Variants in HDAC7 observed in about 807,000 individuals in gnomAD.
HDAC7 encodes histone deacetylase 7A.
A neutral mutation model predicts 115.5 loss-of-function variants in HDAC7; 26 were observed. That is an observed-to-expected ratio of 0.23 (90% CI 0.16 to 0.31). The LOEUF is 0.31. HDAC7 is among the 10% of genes least tolerant of loss of function. The probability of loss-of-function intolerance (pLI) is 1.00; values close to 1 mark genes in which losing one functional copy is unlikely to be tolerated. For missense variants in HDAC7, 1,068 were observed against 1,329.0 expected (o/e 0.80, Z 3.05); for synonymous variants, 564 against 550.9 (o/e 1.02, Z -0.33).
At chr12:47,801,654 AG>A (rs1267342653) in intron 2 of HDAC7, among the ~76,000 whole-genome samples, 1 of 152,214 alleles carries the variant, frequency 6.6e-6, no homozygotes, top group Non-Finnish European at 1.5e-5. Flanking sequence ...GCTACACTAA[AG>A]GAAGGGCAGA....
intron 24 of HDAC7, chr12:47,784,990 A>G (rs931887045): frequency 5.1e-6 from 3 of 592,528 alleles, no homozygotes; most frequent in Non-Finnish European, 8.9e-6. Context: ...TGTGGGGGTT[A>G]TCCCAAGACG....
Position 47,798,644 on chromosome 12 carries a change from C to T in HDAC7, c.267G>A (p.Met89Ile). The T allele has an allele frequency of 2.5e-6, 4 of 1,613,248 alleles. No homozygotes were observed. The highest frequency in any genetic ancestry group is 3.4e-6 in the Non-Finnish European group (4 of 1,179,602). The change falls in exon 4 of 26, where the codon ATG (methionine) becomes ATA (isoleucine). Residue 89 changes from methionine to isoleucine, a missense_variant. This residue lies in a region of HDAC7 where 161 missense variants were observed against 158.5 expected (regional missense o/e 1.02). Coordinates refer to ENST00000080059, the MANE Select transcript of HDAC7 (RefSeq NM_015401.5). The surrounding 1 kb of genome is among the most constrained non-coding windows in gnomAD (Gnocchi z 4.3). The stretch of plus-strand genomic sequence containing the variant: ...CCTGCAACTCGGGCATCGGCGTGTC[C>T]ATGGAGAGCTGTGGGCAGGGCCGGC... The part of the protein sequence containing the change: ...QRSVEPMRLS[M>I]DTPMPELQVG...
chr12:47,813,466 G>C (rs1159695696), intron 1 of HDAC7: 3 of 152,422 alleles, frequency 2.0e-5, no homozygotes, highest in Admixed American at 2.0e-4. Context: ...TCAGGAGCCA[G>C]AGCTAGGCTC....
chr12:47,806,520 C>T (rs1275736799), intron 1 of HDAC7, among the ~76,000 whole-genome samples: 1 of 152,158 alleles, frequency 6.6e-6, no homozygotes, highest in Non-Finnish European at 1.5e-5. Flanking sequence ...GAAATCCCAT[C>T]TCTAACAAAA....
chr12:47,821,320 C>T (rs1205089947), upstream of HDAC7, among the ~76,000 whole-genome samples: 1 of 152,180 alleles, frequency 6.6e-6, no homozygotes, highest in African/African-American at 2.4e-5. Flanking sequence ...CTATCTGTTG[C>T]TACCGGCATA....
intron 16 of HDAC7, chr12:47,790,889 C>A (rs754222375): frequency 1.6e-5 from 5 of 319,588 alleles, no homozygotes; most frequent in South Asian, 3.8e-5. Context: ...GCTGAGGTAC[C>A]CCAACTTGCC....
At position 47,791,386 on chromosome 12, in the gene HDAC7, G is replaced by C. The variant is rs1027640413; in HGVS notation, c.1934-78C>G. ...CAACAGGGAGCAGGGAGCCCAGAGA[G>C]CAGGGCCGGGTGAGTATTGGGGGAG... is the stretch of plus-strand genomic sequence containing the variant. On this transcript the variant is annotated intron_variant, in intron 15 of 25. Coordinates refer to ENST00000080059, the MANE Select transcript of HDAC7 (RefSeq NM_015401.5). The C allele has an allele frequency of 5.6e-6, 8 of 1,432,162 alleles. No homozygotes were observed. In the African/African-American group the frequency reaches 1.0e-4, roughly 18 times the overall value. 88.7% of individuals were successfully genotyped at this position (1,432,162 alleles called of 1,614,324 possible). A position where few individuals can be genotyped will look rare whatever the true frequency, so the allele number is the denominator to read the frequency against.
Position 47,787,831 on chromosome 12 carries a change from A to G in HDAC7, c.2356-22T>C, listed in dbSNP as rs367927252. ...CTACCTGGAAAACAGGAGGCAAGAG[A>G]GACATGAGGACAGCAGAGTCCCAGA... is the stretch of plus-strand genomic sequence containing the variant. On this transcript the variant is annotated intron_variant, in intron 20 of 25. Transcript: ENST00000080059. 18 of 1,602,214 alleles carry G rather than the reference A, an allele frequency of 1.1e-5. No homozygotes were observed. The African/African-American group carries it at 1.5e-4, about 13-fold the overall frequency.
chr12:47,785,197 G>T (rs558775463), intron 24 of HDAC7, 190 bp downstream of exon 24: 12 of 591,716 alleles, frequency 2.0e-5, no homozygotes, highest in South Asian at 1.3e-4. Context: ...CCATCGGGGG[G>T]GCTCAGAGGA....
rs375566777 is a variant in HDAC7 at position 47,798,894 on chromosome 12, A to G, written c.149T>C (p.Val50Ala). The G allele has an allele frequency of 2.6e-6, 4 of 1,538,014 alleles. No homozygotes were observed. The highest frequency in any genetic ancestry group is 2.3e-5 in the Admixed American group (1 of 43,012). ...CAATGTGGGCTCTGGTGGGGGCTCC[A>G]CTGGGGGCCGCTGGCCCACCCGCAG... Reference protein sequence around the residue: ...MDLRVGQRPPVEPPPEPTLLA... With the variant: ...MDLRVGQRPPAEPPPEPTLLA... The change falls in exon 3 of 26, where the codon GTG (valine) becomes GCG (alanine). Residue 50 changes from valine (V) to alanine (A), a missense_variant. Around this residue, in one of 6 missense-constraint regions of HDAC7, gnomAD observed 161 missense variants for 158.5 expected, o/e 1.02. Transcript: ENST00000080059. The surrounding 1 kb of genome is among the most constrained non-coding windows in gnomAD (Gnocchi z 4.3).
At position 47,787,361 on chromosome 12, in the gene HDAC7, C is replaced by G. The variant is rs73291228; in HGVS notation, c.2453+351G>C. 2.0e-3 allele frequency among the ~76,000 whole-genome samples: 301 copies of G among 152,094 alleles called. 1 individual carries two copies. Among genetic ancestry groups the G allele is most frequent in the African/African-American group, 6.9e-3 (285 of 41,488 alleles). On this transcript the variant is annotated intron_variant, in intron 21 of 25. Transcript: ENST00000080059. Reference sequence around the variant, plus strand: ...CAGCCCAGGGCTCTCGTAGAATTAGCTGTCATGGAGATAACTCCAGAAAAG... The same window carrying G: ...CAGCCCAGGGCTCTCGTAGAATTAGGTGTCATGGAGATAACTCCAGAAAAG...
At chr12:47,800,625 A>G (rs938332439) in intron 2 of HDAC7, among the ~76,000 whole-genome samples, 1 of 151,168 alleles carries the variant, frequency 6.6e-6, no homozygotes, top group Admixed American at 6.6e-5. Context: ...ATACCAAAAC[A>G]CTCCTGCCCC....
In HDAC7 at chr12:47,798,550, C is replaced by A; in HGVS notation, c.349+12G>T. 1.2e-6 allele frequency: 2 copies of A among 1,612,314 alleles called. No homozygotes were observed. Among genetic ancestry groups the A allele is most frequent in the Non-Finnish European group, 1.7e-6 (2 of 1,179,224 alleles). On this transcript the variant is annotated intron_variant, in intron 4 of 25. Coordinates refer to ENST00000080059, the MANE Select transcript of HDAC7 (RefSeq NM_015401.5). The surrounding 1 kb of genome is among the most constrained non-coding windows in gnomAD (Gnocchi z 4.3). ...GTGGGGCTGGGCTGGGCTGGGGTGG[C>A]CACCTCCTTACTTCGCTTGCTCTTG...
intron 1 of HDAC7, among the ~76,000 whole-genome samples, chr12:47,818,709 G>C (rs1944918229): frequency 6.6e-6 from 1 of 152,254 alleles, no homozygotes; most frequent in Non-Finnish European, 1.5e-5. Context: ...GGCAGAGCTG[G>C]GCCTCAGGCA....
At chr12:47,789,489 A>T (rs368845512) in intron 18 of HDAC7, 34 bp downstream of exon 18, 225 of 1,610,546 alleles carry the variant, frequency 1.4e-4, no homozygotes, top group Non-Finnish European at 1.9e-4. Context: ...CTTGCCCCCC[A>T]CCTCATCCCA....
chr12:47,815,056 C>A (rs1944814520), intron 1 of HDAC7, among the ~76,000 whole-genome samples: 1 of 152,202 alleles, frequency 6.6e-6, no homozygotes, highest in Non-Finnish European at 1.5e-5. Flanking sequence ...GTACCCAGTG[C>A]CTAGAACATT....
At chr12:47,791,793 GC>G in intron 14 of HDAC7, 77 bp downstream of exon 14, 1 of 1,566,200 alleles carries the variant, frequency 6.4e-7, no homozygotes, top group Non-Finnish European at 8.7e-7. Context: ...TCTCTCATGG[GC>G]CCCAGGGCCC....
At chr12:47,799,551 G>T (rs1191955998) in intron 2 of HDAC7, among the ~76,000 whole-genome samples, 1 of 152,214 alleles carries the variant, frequency 6.6e-6, no homozygotes, top group East Asian at 1.9e-4. Context: ...AGCCAGCCCT[G>T]ACCGGCCACG....
intron 1 of HDAC7, among the ~76,000 whole-genome samples, chr12:47,809,515 A>G (rs1326693077): frequency 1.3e-5 from 2 of 152,180 alleles, no homozygotes; most frequent in Non-Finnish European, 1.5e-5. Flanking sequence ...TGTGCTGGCT[A>G]TTATCCTAGG....
Sources: gnomAD v4.1 joint callset for allele counts (sites outside exome capture counted in the v4.1 genomes callset) on GRCh38, gnomAD v4.1.1 for gene constraint, gnomAD v4.1.1 regional missense constraint, Gnocchi (gnomAD v3.1) non-coding constraint, MANE v1.5 for transcripts, NCBI Gene and HGNC (gene_info 2026-07-23, HGNC 2026-07-21) for gene names.